The following BMPER variants were observed in gnomAD, a reference collection of about 807,000 sequenced individuals.
The protein encoded by BMPER is BMP binding endothelial regulator.
BMPER carries 45 observed loss-of-function variants against 87.3 expected under a neutral mutation model. The observed-to-expected ratio is 0.52, with a 90% CI of 0.41 to 0.66. The LOEUF is 0.66. Among genes scored for constraint, BMPER ranks in the 30% least tolerant of loss-of-function variants. The probability of loss-of-function intolerance (pLI) is 0.00; values close to 1 mark genes in which losing one functional copy is unlikely to be tolerated. For synonymous variants in BMPER, 326 were observed against 316.2 expected (o/e 1.03, Z -0.33); for missense variants, 784 against 867.5 (o/e 0.90, Z 1.21).
chr7:33,977,277 TA>T (rs368249301), intron 6 of BMPER, among the ~76,000 whole-genome samples: 111 of 147,018 alleles, frequency 7.6e-4, no homozygotes, highest in African/African-American at 1.9e-3. Context: ...TGGAGTACAC[TA>T]AAAAAAAAAA....
At chr7:34,006,558 T>G (rs1215464290) in intron 6 of BMPER, among the ~76,000 whole-genome samples, 1 of 152,084 alleles carries the variant, frequency 6.6e-6, no homozygotes, top group Non-Finnish European at 1.5e-5. Flanking sequence ...TTTTTTATAT[T>G]CTCTCTTGGG....
chr7:33,956,001 G>A (rs1785138582), intron 3 of BMPER, among the ~76,000 whole-genome samples: 1 of 151,924 alleles, frequency 6.6e-6, no homozygotes, highest in African/African-American at 2.4e-5. Context: ...GGAGCAGTGA[G>A]CTGTTCATAG....
chr7:33,942,760 G>A (rs552642935), intron 3 of BMPER, among the ~76,000 whole-genome samples: 8 of 152,272 alleles, frequency 5.3e-5, no homozygotes, highest in Admixed American at 3.9e-4. Context: ...TTTTGTAGTG[G>A]GAGGCCATGT....
intron 2 of BMPER, among the ~76,000 whole-genome samples, chr7:33,932,322 C>T (rs865804545): frequency 6.6e-6 from 1 of 152,214 alleles, no homozygotes. Flanking sequence ...ACTACCTGGC[C>T]TGTGTGCTTC....
chr7:34,021,608 A>G, intron 6 of BMPER, among the ~76,000 whole-genome samples: 1 of 151,990 alleles, frequency 6.6e-6, no homozygotes, highest in Non-Finnish European at 1.5e-5. Flanking sequence ...ATTATCAAAG[A>G]ATTTGTAGGA....
chr7:34,119,304 A>G (rs1186156257), intron 13 of BMPER, among the ~76,000 whole-genome samples: 1 of 152,210 alleles, frequency 6.6e-6, no homozygotes, highest in Admixed American at 6.5e-5. Flanking sequence ...TGGGCTGAAC[A>G]TCTTTCAACC....
intron 2 of BMPER, among the ~76,000 whole-genome samples, chr7:33,936,354 A>G (rs1248578499): frequency 6.6e-6 from 1 of 152,136 alleles, no homozygotes; most frequent in Non-Finnish European, 1.5e-5. Context: ...TTATATCTTC[A>G]TCTCGAGTTC....
intron 3 of BMPER, among the ~76,000 whole-genome samples, chr7:33,956,983 G>A (rs1448970056): frequency 6.6e-6 from 1 of 152,040 alleles, no homozygotes; most frequent in African/African-American, 2.4e-5. Context: ...ATACATTGCT[G>A]GTGAAAATGT....
chr7:34,133,789 A>G (rs1047285380), intron 13 of BMPER, among the ~76,000 whole-genome samples: 2 of 152,080 alleles, frequency 1.3e-5, no homozygotes, highest in East Asian at 1.9e-4. Context: ...CCGCTGGAGA[A>G]CTAGTGGTTA....
chr7:33,954,639 T>A (rs965347120), intron 3 of BMPER, among the ~76,000 whole-genome samples: 2 of 152,204 alleles, frequency 1.3e-5, no homozygotes, highest in Non-Finnish European at 2.9e-5. Flanking sequence ...AGAAATATAA[T>A]TTAAAAGTAT....
chr7:33,981,883 T>C (rs1321973435), intron 6 of BMPER, among the ~76,000 whole-genome samples: 1 of 152,238 alleles, frequency 6.6e-6, no homozygotes, highest in Non-Finnish European at 1.5e-5. Context: ...ATGTCTTGTT[T>C]GAAAAGTGTT....
At chr7:34,053,757 A>G (rs1343379174) in intron 8 of BMPER, among the ~76,000 whole-genome samples, 1 of 152,176 alleles carries the variant, frequency 6.6e-6, no homozygotes, top group Non-Finnish European at 1.5e-5. Context: ...TCTCAGGGGT[A>G]GAAGAGGCAG....
At chr7:34,061,090 T>C (rs1788424387) in intron 10 of BMPER, among the ~76,000 whole-genome samples, 1 of 152,208 alleles carries the variant, frequency 6.6e-6, no homozygotes, top group South Asian at 2.1e-4. Flanking sequence ...TTATAAAATC[T>C]CTAATGTTCA....
chr7:34,066,851 C>CAG (rs1023518988), intron 11 of BMPER, among the ~76,000 whole-genome samples: 12 of 150,574 alleles, frequency 8.0e-5, no homozygotes, highest in South Asian at 6.3e-4. Flanking sequence ...GAGGGAGGGG[C>CAG]AGAGAGAGAG....
chr7:34,106,034 C>T (rs1159823180), intron 13 of BMPER, among the ~76,000 whole-genome samples: 1 of 152,150 alleles, frequency 6.6e-6, no homozygotes, highest in African/African-American at 2.4e-5. Flanking sequence ...ACACACAAGC[C>T]TTATGCCGAG....
At chr7:33,938,837 C>T (rs1444315047) in intron 3 of BMPER, among the ~76,000 whole-genome samples, 1 of 152,004 alleles carries the variant, frequency 6.6e-6, no homozygotes, top group Non-Finnish European at 1.5e-5. Context: ...ACCAGCCTGG[C>T]CAACATGATG....
chr7:34,009,696 A>G (rs1786828342), intron 6 of BMPER, among the ~76,000 whole-genome samples: 1 of 152,016 alleles, frequency 6.6e-6, no homozygotes, highest in South Asian at 2.1e-4. Context: ...TGGACAAAGG[A>G]AAGAGATATG....
At chr7:34,072,927 A>G (rs1311460377) in intron 11 of BMPER, among the ~76,000 whole-genome samples, 2 of 152,210 alleles carry the variant, frequency 1.3e-5, no homozygotes, top group African/African-American at 4.8e-5. Flanking sequence ...GGCACCAGAC[A>G]TAGTTCCCCC....
chr7:34,061,772 G>C (rs1788441299), intron 10 of BMPER, among the ~76,000 whole-genome samples: 1 of 152,102 alleles, frequency 6.6e-6, no homozygotes, highest in Non-Finnish European at 1.5e-5. Context: ...ATTTCTTGGA[G>C]GATAAAAACA....
Sources: gnomAD v4.1 joint callset for allele counts (sites outside exome capture counted in the v4.1 genomes callset) on GRCh38, gnomAD v4.1.1 for gene constraint, MANE v1.5 for transcripts, NCBI Gene and HGNC (gene_info 2026-07-23, HGNC 2026-07-21) for gene names.